ULK4: variants seen among roughly 807,000 people sequenced by gnomAD.
ULK4 encodes the protein unc-51 like kinase 4.
A neutral mutation model predicts 160.6 loss-of-function variants in ULK4; 133 were observed. The observed-to-expected ratio is 0.83, with a 90% CI of 0.72 to 0.96. The LOEUF (loss-of-function observed/expected upper bound fraction) is 0.96, where lower values mean the gene tolerates loss of function less well. ULK4 is among the 40% of genes least tolerant of loss of function. The pLI is 0.00. For synonymous variants in ULK4, 534 were observed against 539.8 expected, an observed-to-expected ratio of 0.99 and a Z score of 0.15; for missense variants, 1,580 against 1,499.5, an observed-to-expected ratio of 1.05 and a Z score of -0.89.
chr3:41,491,415 C>T (rs927573319), intron 32 of ULK4, among the ~76,000 whole-genome samples: 1 of 151,896 alleles, frequency 6.6e-6, no homozygotes, highest in Non-Finnish European at 1.5e-5. Context: ...TGTAACAATA[C>T]TACAAAAATT....
chr3:41,842,624 G>C (rs2041962431), intron 17 of ULK4, among the ~76,000 whole-genome samples: 1 of 150,308 alleles, frequency 6.7e-6, no homozygotes, highest in Non-Finnish European at 1.5e-5. Context: ...CTCCGACCAT[G>C]GGATGTCTAC....
At chr3:41,682,130 T>C (rs2035943928) in intron 27 of ULK4, among the ~76,000 whole-genome samples, 1 of 152,190 alleles carries the variant, frequency 6.6e-6, no homozygotes, top group Non-Finnish European at 1.5e-5. Flanking sequence ...TTAGTATGTA[T>C]AAGCTGGTGA....
At chr3:41,902,141 A>G (rs1236536256) in intron 12 of ULK4, among the ~76,000 whole-genome samples, 1 of 152,218 alleles carries the variant, frequency 6.6e-6, no homozygotes, top group Non-Finnish European at 1.5e-5. Context: ...TAAAATAGAA[A>G]AGTAAATCAG....
intron 18 of ULK4, among the ~76,000 whole-genome samples, chr3:41,828,700 C>A (rs1193268813): frequency 6.6e-6 from 1 of 151,554 alleles, no homozygotes; most frequent in African/African-American, 2.4e-5. Flanking sequence ...GAATCAGTAT[C>A]GTGAAAATGG....
intron 32 of ULK4, among the ~76,000 whole-genome samples, chr3:41,492,489 A>G (rs2084819210): frequency 6.6e-6 from 1 of 150,754 alleles, no homozygotes; most frequent in African/African-American, 2.5e-5. Context: ...AAATGTAAAG[A>G]CCATTGAGAC....
chr3:41,955,606 G>T, intron 1 of ULK4: 1 of 156,266 alleles, frequency 6.4e-6, no homozygotes. Context: ...TACTCCCTAC[G>T]AGCTGGCGCG....
At chr3:41,805,106 T>C (rs1371070492) in intron 19 of ULK4, among the ~76,000 whole-genome samples, 2 of 152,250 alleles carry the variant, frequency 1.3e-5, no homozygotes, top group Non-Finnish European at 2.9e-5. Context: ...TGATTCTTCC[T>C]ACCCATGAGC....
At chr3:41,677,952 G>C (rs1047050722) in intron 29 of ULK4, among the ~76,000 whole-genome samples, 2 of 152,074 alleles carry the variant, frequency 1.3e-5, no homozygotes, top group East Asian at 1.9e-4. Context: ...GGCTGATTAA[G>C]AGGAAACTCC....
Position 41,455,625 on chromosome 3 carries a change from G to T in ULK4, c.3394-30C>A, listed in dbSNP as rs772168221. 5.0e-6 allele frequency: 8 copies of T among 1,607,420 alleles called. No homozygotes were observed. In the East Asian group the frequency reaches 1.6e-4, roughly 31 times the overall value. ...AACAGAGAGAAGAGAAATGAAAGAC[G>T]GTCTTGGTGATTAGTCAGCTTGGCC... On this transcript the variant is annotated intron_variant, in intron 33 of 36. Coordinates refer to ENST00000301831, the MANE Select transcript of ULK4 (RefSeq NM_017886.4).
chr3:41,862,396 C>A (rs1349846044), intron 17 of ULK4, among the ~76,000 whole-genome samples: 1 of 151,196 alleles, frequency 6.6e-6, no homozygotes. Flanking sequence ...ATTGGTCCCT[C>A]GTGCCTTATT....
At chr3:41,839,099 T>C (rs1188534445) in intron 17 of ULK4, among the ~76,000 whole-genome samples, 2 of 152,134 alleles carry the variant, frequency 1.3e-5, no homozygotes, top group East Asian at 1.9e-4. Flanking sequence ...CCTGTGATCT[T>C]AGCACTTTGG....
At chr3:41,429,750 GC>G (rs927034513) in intron 34 of ULK4, among the ~76,000 whole-genome samples, 48 of 151,844 alleles carry the variant, frequency 3.2e-4, no homozygotes, top group Non-Finnish European at 5.7e-4. Flanking sequence ...TGGGGGTGCA[GC>G]ATGGGGGGAG....
At chr3:41,418,265 A>T (rs1470726358) in intron 34 of ULK4, among the ~76,000 whole-genome samples, 1 of 149,638 alleles carries the variant, frequency 6.7e-6, no homozygotes, top group Non-Finnish European at 1.5e-5. Context: ...TACTGATAAC[A>T]TAAACAGTCA....
At chr3:41,299,229 C>G (rs1194206409) in intron 35 of ULK4, among the ~76,000 whole-genome samples, 2 of 152,134 alleles carry the variant, frequency 1.3e-5, no homozygotes, top group African/African-American at 2.4e-5. Flanking sequence ...CGAGAGGCCA[C>G]GTGGGGCAGA....
At chr3:41,876,155 G>A (rs1247976370) in intron 17 of ULK4, among the ~76,000 whole-genome samples, 1 of 143,040 alleles carries the variant, frequency 7.0e-6, no homozygotes, top group Non-Finnish European at 1.5e-5. Context: ...AATGTGGCAA[G>A]AAAAAATAGA....
chr3:41,822,789 T>C (rs1192466978), intron 18 of ULK4, among the ~76,000 whole-genome samples: 1 of 140,670 alleles, frequency 7.1e-6, no homozygotes. Flanking sequence ...TGGCAACATC[T>C]TGGCTCACTG....
At chr3:41,607,232 G>A (rs537111963) in intron 31 of ULK4, among the ~76,000 whole-genome samples, 89 of 152,144 alleles carry the variant, frequency 5.8e-4, no homozygotes, top group African/African-American at 2.1e-3. Context: ...GTAGGGGAAG[G>A]GATAAGGTGT....
intron 31 of ULK4, among the ~76,000 whole-genome samples, chr3:41,599,675 C>T (rs1179485939): frequency 6.6e-6 from 1 of 151,430 alleles, no homozygotes; most frequent in African/African-American, 2.4e-5. Context: ...AACAATTCTC[C>T]CACCCCAGCC....
intron 32 of ULK4, among the ~76,000 whole-genome samples, chr3:41,540,517 T>C (rs554118777): frequency 2.0e-5 from 3 of 152,344 alleles, no homozygotes; most frequent in Admixed American, 6.5e-5. Flanking sequence ...TGTGTCTTTA[T>C]AGAAGAATGA....
Sources: allele counts gnomAD v4.1 joint callset (sites outside exome capture counted in the v4.1 genomes callset), GRCh38; gene constraint gnomAD v4.1.1; transcripts MANE v1.5; gene names NCBI Gene and HGNC (gene_info 2026-07-23, HGNC 2026-07-21).